Variants in REEP5 observed in about 807,000 individuals in gnomAD.
REEP5 encodes receptor accessory protein 5.
A neutral mutation model predicts 22.4 loss-of-function variants in REEP5; 24 were observed. The ratio of observed to expected loss-of-function variants is 1.07; its 90% CI spans 0.78 to 1.51. REEP5 has a LOEUF of 1.51. REEP5 is among the 40% of genes most tolerant of loss of function. REEP5 has a pLI of 0.00. For missense variants in REEP5, 252 were observed against 233.0 expected, an observed-to-expected ratio of 1.08 and a Z score of -0.53; for synonymous variants, 103 against 88.6, an observed-to-expected ratio of 1.16 and a Z score of -0.92.
At chr5:112,879,285 C>G (rs1306417716) in intron 4 of REEP5, among the ~76,000 whole-genome samples, 5 of 136,936 alleles carry the variant, frequency 3.7e-5, no homozygotes, top group African/African-American at 5.8e-5. Context: ...AGTCCTCATT[C>G]CCAGCACTAG....
Position 112,921,771 on chromosome 5 carries a change from A to G in REEP5, c.118+302T>C, listed in dbSNP as rs552354306. On this transcript the variant is annotated intron_variant, in intron 1 of 4. Transcript: ENST00000379638. ...GCCCCGCCGTCCGCGCCCACCGCGCAGGACAGCAGGAATAGGGCGCCGGGC... is the reference window on the plus strand; with the variant it reads ...GCCCCGCCGTCCGCGCCCACCGCGCGGGACAGCAGGAATAGGGCGCCGGGC... 168 of 274,248 alleles carry G rather than the reference A, an allele frequency of 6.1e-4. 1 individual carries two copies. Among genetic ancestry groups the G allele is most frequent in the South Asian group, 5.6e-3 (103 of 18,402 alleles). 17.0% of individuals were successfully genotyped at this position (274,248 alleles called of 1,614,324 possible).
At chr5:112,887,803 T>C (rs1267936845) in intron 3 of REEP5, among the ~76,000 whole-genome samples, 1 of 152,342 alleles carries the variant, frequency 6.6e-6, no homozygotes, top group African/African-American at 2.4e-5. Flanking sequence ...TTTTTTTTAA[T>C]TGACAAGAAT....
intron 2 of REEP5, among the ~76,000 whole-genome samples, chr5:112,907,038 T>C (rs1425325031): frequency 6.6e-6 from 1 of 152,210 alleles, no homozygotes; most frequent in East Asian, 1.9e-4. Flanking sequence ...CTGAATATTC[T>C]GAAATTTGTA....
At chr5:112,921,922 C>G in intron 1 of REEP5, 151 bp downstream of exon 1, 2 of 1,015,996 alleles carry the variant, frequency 2.0e-6, no homozygotes, top group Non-Finnish European at 2.7e-6. Flanking sequence ...CCACGCTTTC[C>G]GGGAGGCCAG....
At chr5:112,882,436 C>A (rs1476011138) in intron 4 of REEP5, among the ~76,000 whole-genome samples, 1 of 152,194 alleles carries the variant, frequency 6.6e-6, no homozygotes, top group Non-Finnish European at 1.5e-5. Flanking sequence ...TCCACAGTCC[C>A]ACCCTCACTT....
intron 2 of REEP5, among the ~76,000 whole-genome samples, chr5:112,910,115 C>T (rs144029819): frequency 0.011 from 1,663 of 152,226 alleles, 23 homozygotes; most frequent in Non-Finnish European, 0.013. Context: ...CCAGACTGGC[C>T]AACATGGTGA....
rs1768272351 is a variant in REEP5, at chr5:112,887,038, G to A, written c.497C>T (p.Thr166Ile). 4 of 1,610,130 alleles carry A rather than the reference G, an allele frequency of 2.5e-6. No individual in the cohort carries two copies. In the East Asian group the frequency reaches 8.9e-5, roughly 36 times the overall value. ...VKDLKDKAKE[T>I]ADAITKEAKK... is the part of the protein sequence containing the mutation. The stretch of plus-strand genomic sequence containing the variant: ...ACCTTCTTTAGTGATGGCATCTGCA[G>A]TCTCTTTGGCCTTGTCTTTAAGGTC... Residue 166 changes from threonine to isoleucine, a missense_variant, in exon 4 of 5, where the codon ACT (threonine) becomes ATT (isoleucine). Transcript: ENST00000379638.
intron 2 of REEP5, among the ~76,000 whole-genome samples, chr5:112,908,864 A>ATTT (rs397974052): frequency 0.45 from 63,457 of 142,038 alleles, 14,465 homozygotes; most frequent in African/African-American, 0.54. Flanking sequence ...CCAGCTAATG[A>ATTT]TTTTTTTTTT....
chr5:112,902,627 A>G (rs1192836280), intron 2 of REEP5, 109 bp from the exon 3 acceptor site: 3 of 962,294 alleles, frequency 3.1e-6, no homozygotes, highest in Non-Finnish European at 4.5e-6. Context: ...ACTTAGGCAC[A>G]TGTAGGCACT....
intron 3 of REEP5, chr5:112,897,221 CATACACACAGAGTTCTGTTTTTATTT>C (rs1768712019): frequency 6.6e-6 from 1 of 152,094 alleles, no homozygotes; most frequent in Non-Finnish European, 1.5e-5. Flanking sequence ...TATATATACA[CATACACACAGAGTTCTGTTTTTATTT>C]ATATACACAG....
At chr5:112,890,495 G>A (rs818426) in intron 3 of REEP5, among the ~76,000 whole-genome samples, 80,012 of 149,488 alleles carry the variant, frequency 0.54, 24,308 homozygotes, top group African/African-American at 0.8. Context: ...CAGCCCCCCA[G>A]GTAGCTGAAG....
chr5:112,899,171 T>C (rs1238753972), intron 3 of REEP5, among the ~76,000 whole-genome samples: 2 of 152,030 alleles, frequency 1.3e-5, no homozygotes, highest in Non-Finnish European at 2.9e-5. Context: ...CTTGAACTCC[T>C]GGGCTCAAAC....
chr5:112,884,666 T>A (rs1768179514), intron 4 of REEP5, among the ~76,000 whole-genome samples: 1 of 152,054 alleles, frequency 6.6e-6, no homozygotes. Context: ...GATTACAGGC[T>A]GAGTCACTGT....
chr5:112,892,097 A>G (rs1356137843), intron 3 of REEP5: 1 of 1,613,612 alleles, frequency 6.2e-7, no homozygotes, highest in East Asian at 2.2e-5. Flanking sequence ...AATGATTTAG[A>G]AAATAGTACC....
intron 3 of REEP5, among the ~76,000 whole-genome samples, chr5:112,888,554 G>C (rs1768332855): frequency 1.3e-5 from 2 of 150,370 alleles, no homozygotes; most frequent in Non-Finnish European, 2.9e-5. Flanking sequence ...CAAGTAGCTG[G>C]GAATGACTGC....
chr5:112,919,702 G>A lies in REEP5; in HGVS notation c.212+1461C>T, dbSNP rs1182653377. 3.3e-5 allele frequency among the ~76,000 whole-genome samples: 5 copies of A among 152,168 alleles called. 1 individual carries two copies. Among genetic ancestry groups the A allele is most frequent in the African/African-American group, 1.2e-4 (5 of 41,428 alleles). On this transcript the variant is annotated intron_variant, in intron 2 of 4. Transcript: ENST00000379638. ...GAGAAGATGCCATCTTTGAAGCAGG[G>A]AGCAAGCCCTCACCGGACACCAAAT...
At chr5:112,905,982 C>A (rs1768949495) in intron 2 of REEP5, among the ~76,000 whole-genome samples, 1 of 152,118 alleles carries the variant, frequency 6.6e-6, no homozygotes, top group Non-Finnish European at 1.5e-5. Context: ...AAGTGATTCT[C>A]CAACAAAACA....
chr5:112,902,488 T>A lies in REEP5; in HGVS notation c.243A>T (p.Glu81Asp), dbSNP rs539446105. Residue 81 changes from glutamate (E) to aspartate (D), a missense_variant, in exon 3 of 5, where the codon GAA becomes GAT. Coordinates refer to ENST00000379638, the MANE Select transcript of REEP5 (RefSeq NM_005669.5). Reference sequence around the variant, plus strand: ...AGTAGGTCAGCCACTGGGTATCATCTTCTTTGTTGGGACTCTCTATAGCTT... The same window carrying A: ...AGTAGGTCAGCCACTGGGTATCATCATCTTTGTTGGGACTCTCTATAGCTT... ...SIKAIESPNK[E>D]DDTQWLTYWV... 6 of 1,609,370 alleles carry A rather than the reference T, an allele frequency of 3.7e-6. No individual in the cohort carries two copies. The East Asian group carries it at 8.9e-5, about 24-fold the overall frequency.
At chr5:112,903,338 T>C (rs116616607) in intron 2 of REEP5, among the ~76,000 whole-genome samples, 1 of 152,178 alleles carries the variant, frequency 6.6e-6, no homozygotes, top group African/African-American at 2.4e-5. Context: ...TTGTTTAGCC[T>C]ATGAAACAGG....
Sources: allele counts gnomAD v4.1 joint callset (sites outside exome capture counted in the v4.1 genomes callset), GRCh38; gene constraint gnomAD v4.1.1; transcripts MANE v1.5; gene names NCBI Gene and HGNC (gene_info 2026-07-23, HGNC 2026-07-21).